STAC: variants seen among roughly 807,000 people sequenced by gnomAD.
STAC encodes SH3 and cysteine-rich domain-containing protein.
Under a neutral mutation model 48.8 loss-of-function variants are expected in STAC, and 43 were observed. The ratio of observed to expected loss-of-function variants is 0.88; its 90% confidence interval spans 0.69 to 1.14. The LOEUF (loss-of-function observed/expected upper bound fraction) is 1.14. Ranked by LOEUF, STAC falls within the 50% of genes most tolerant of loss-of-function variation. The pLI is 0.00. For missense variants in STAC, 497 were observed against 504.0 expected, an observed-to-expected ratio of 0.99 and a Z score of 0.13; for synonymous variants, 193 against 179.5, an observed-to-expected ratio of 1.07 and a Z score of -0.60.
At chr3:36,521,956 T>C (rs1276061380) in intron 8 of STAC, among the ~76,000 whole-genome samples, 1 of 152,098 alleles carries the variant, frequency 6.6e-6, no homozygotes, top group Middle Eastern at 3.4e-3. Context: ...GGGAGTGGTG[T>C]CATGTACCTG....
At chr3:36,394,853 G>A (rs181404858) in intron 1 of STAC, among the ~76,000 whole-genome samples, 254 of 151,486 alleles carry the variant, frequency 1.7e-3, no homozygotes, top group Non-Finnish European at 2.3e-3. Flanking sequence ...ACTACACTCC[G>A]GCATGGGCAA....
At chr3:36,542,079 T>C (rs1699341892) in intron 10 of STAC, among the ~76,000 whole-genome samples, 1 of 147,588 alleles carries the variant, frequency 6.8e-6, no homozygotes, top group Middle Eastern at 3.4e-3. Context: ...AAGTCAAGGG[T>C]AGGGGAGAGG....
At position 36,398,368 on chromosome 3, in the gene STAC, A is replaced by AAAAGAAAGAGAG. The variant is rs1553631495; in HGVS notation, c.111+17624_111+17635dup. On this transcript the variant is annotated intron_variant, in intron 1 of 10. Coordinates refer to ENST00000273183, the MANE Select transcript of STAC (RefSeq NM_003149.3). ...GAAAGAAAGAAAGAAAGAAAGAAAG[A>AAAAGAAAGAGAG]AAAGAAAGAGAGAAAGAAAGAAAGA... Among the ~76,000 whole-genome samples the AAAAGAAAGAGAG allele has an allele frequency of 1.4e-3, 145 of 102,960 alleles. 5 individuals are homozygous for AAAAGAAAGAGAG. The highest frequency in any genetic ancestry group is 5.0e-3 in the African/African-American group (133 of 26,594). 67.5% of individuals were successfully genotyped at this position (102,960 alleles called of 152,430 possible).
intron 5 of STAC, among the ~76,000 whole-genome samples, chr3:36,489,348 G>A (rs932450630): frequency 2.6e-5 from 4 of 152,134 alleles, no homozygotes; most frequent in Non-Finnish European, 5.9e-5. Flanking sequence ...AATCCTCCGG[G>A]ATCCGCACAA....
intron 1 of STAC, among the ~76,000 whole-genome samples, chr3:36,426,822 T>G (rs1270069667): frequency 6.6e-6 from 1 of 151,636 alleles, no homozygotes; most frequent in Non-Finnish European, 1.5e-5. Flanking sequence ...CTCATCACAC[T>G]CTTCTAACAT....
At chr3:36,462,348 C>A (rs929227233) in intron 2 of STAC, among the ~76,000 whole-genome samples, 3 of 151,930 alleles carry the variant, frequency 2.0e-5, no homozygotes, top group African/African-American at 7.2e-5. Flanking sequence ...GACAGCCAAG[C>A]CAAAAGAAAT....
intron 2 of STAC, among the ~76,000 whole-genome samples, chr3:36,472,319 G>A (rs1194440007): frequency 6.6e-6 from 1 of 152,180 alleles, no homozygotes; most frequent in East Asian, 1.9e-4. Context: ...TTCTTCCTGT[G>A]CCTCCAGGCC....
At chr3:36,398,365 AAGAAAAGAAAGAG>A (rs1699908887) in intron 1 of STAC, among the ~76,000 whole-genome samples, 2 of 141,878 alleles carry the variant, frequency 1.4e-5, no homozygotes, top group African/African-American at 2.7e-5. Context: ...GAAAGAAAGA[AAGAAAAGAAAGAG>A]AGAAAGAAAG....
At chr3:36,480,205 A>T (rs1479358988) in intron 2 of STAC, among the ~76,000 whole-genome samples, 1 of 152,248 alleles carries the variant, frequency 6.6e-6, no homozygotes, top group East Asian at 1.9e-4. Flanking sequence ...TTTGAAAACG[A>T]AAAGTAAGTA....
At chr3:36,438,793 T>TA (rs1440014461) in intron 1 of STAC, among the ~76,000 whole-genome samples, 8 of 152,172 alleles carry the variant, frequency 5.3e-5, no homozygotes, top group Non-Finnish European at 1.0e-4. Context: ...AAAGGAGAAG[T>TA]AAAGCACATG....
chr3:36,431,904 A>G (rs554816820), intron 1 of STAC, among the ~76,000 whole-genome samples: 1 of 152,330 alleles, frequency 6.6e-6, no homozygotes, highest in South Asian at 2.1e-4. Context: ...TTCAGTAGAA[A>G]AAAGGGCTAT....
intron 6 of STAC, among the ~76,000 whole-genome samples, chr3:36,493,792 T>A (rs180914195): frequency 2.2e-4 from 34 of 152,246 alleles, no homozygotes; most frequent in South Asian, 1.5e-3. Context: ...TAAGCCTTTG[T>A]TATAATAATT....
At chr3:36,488,412 G>A (rs936387511) in intron 5 of STAC, among the ~76,000 whole-genome samples, 1 of 152,166 alleles carries the variant, frequency 6.6e-6, no homozygotes, top group South Asian at 2.1e-4. Flanking sequence ...GGGTAACTTC[G>A]CTGTTCTGCT....
rs1559476957 is a variant in STAC at position 36,398,347 on chromosome 3, G to GAAAGAAAGAAAGAAAGAAAA, written c.111+17612_111+17613insAAAAGAAAGAAAGAAAGAAA. On this transcript the variant is annotated intron_variant, in intron 1 of 10. Transcript: ENST00000273183. ...AGAAAGAAAGAAAGAAAGAAAGAAA[G>GAAAGAAAGAAAGAAAGAAAA]AAAGAAAGAAAGAAAGAAAGAAAAG... Among the ~76,000 whole-genome samples the GAAAGAAAGAAAGAAAGAAAA allele has an allele frequency of 1.7e-3, 228 of 131,006 alleles. 4 individuals are homozygous for GAAAGAAAGAAAGAAAGAAAA. The highest frequency in any genetic ancestry group is 2.2e-3 in the Non-Finnish European group (133 of 59,460). The allele number at this position is 131,006 out of a possible 152,430, so 85.9% of individuals were successfully genotyped here.
At chr3:36,426,827 T>C (rs975559837) in intron 1 of STAC, among the ~76,000 whole-genome samples, 1 of 151,070 alleles carries the variant, frequency 6.6e-6, no homozygotes, top group Admixed American at 6.6e-5. Flanking sequence ...CACACTCTTC[T>C]AACATGGTTG....
chr3:36,515,424 G>C (rs1698647070), intron 8 of STAC, among the ~76,000 whole-genome samples: 4 of 152,134 alleles, frequency 2.6e-5, no homozygotes, highest in African/African-American at 9.7e-5. Flanking sequence ...AGGATAAGTG[G>C]TCTGTGCTTT....
chr3:36,450,647 TC>T (rs1696649869), intron 2 of STAC, among the ~76,000 whole-genome samples: 1 of 152,168 alleles, frequency 6.6e-6, no homozygotes, highest in African/African-American at 2.4e-5. Context: ...TGCCTCAGCC[TC>T]CCGAGCAGCT....
At chr3:36,498,828 T>C (rs939092911) in intron 6 of STAC, among the ~76,000 whole-genome samples, 2 of 152,072 alleles carry the variant, frequency 1.3e-5, no homozygotes, top group Non-Finnish European at 2.9e-5. Flanking sequence ...TTTTCCAGAA[T>C]TGATTAAAGA....
chr3:36,396,540 T>C (rs1269874965), intron 1 of STAC, among the ~76,000 whole-genome samples: 4 of 152,136 alleles, frequency 2.6e-5, no homozygotes, highest in Admixed American at 6.6e-5. Context: ...GGATGCTTCA[T>C]TGGAATGCTC....
Sources: allele counts gnomAD v4.1 joint callset (sites outside exome capture counted in the v4.1 genomes callset), GRCh38; gene constraint gnomAD v4.1.1; transcripts MANE v1.5; gene names NCBI Gene and HGNC (gene_info 2026-07-23, HGNC 2026-07-21).